STX11: variants seen among roughly 807,000 people sequenced by gnomAD.
The protein encoded by STX11 is syntaxin-11.
Under a neutral mutation model 19.9 loss-of-function variants are expected in STX11, and 21 were observed. The ratio of observed to expected loss-of-function variants is 1.06; its 90% confidence interval spans 0.75 to 1.52. The LOEUF is 1.52. Ranked by LOEUF, STX11 falls within the 40% of genes most tolerant of loss-of-function variation. The pLI, the probability that STX11 is intolerant of heterozygous loss-of-function variation, is 0.00. For synonymous variants in STX11, 193 were observed against 174.4 expected, an observed-to-expected ratio of 1.11 and a Z score of -0.84; for missense variants, 438 against 405.9, an observed-to-expected ratio of 1.08 and a Z score of -0.68.
In STX11 at chr6:144,158,175, T is replaced by C. The variant is rs1291792865; in HGVS notation, c.-6+7472T>C. ...ATGCCTTTCGTGGTGACCAACTCTA[T>C]TGAGATTTTTTCAGATTATCCAGAA... On this transcript the variant is annotated intron_variant, in intron 1 of 1. Coordinates refer to ENST00000367568, the MANE Select transcript of STX11 (RefSeq NM_003764.4). Among the ~76,000 whole-genome samples the C allele has an allele frequency of 3.9e-5, 6 of 152,290 alleles. No individual in the cohort carries two copies. In the East Asian group the frequency reaches 5.8e-4, roughly 15 times the overall value.
the STX11 span, among the ~76,000 whole-genome samples, chr6:144,140,478 A>T: frequency 6.6e-6 from 1 of 151,492 alleles, no homozygotes; most frequent in African/African-American, 2.4e-5. Flanking sequence ...TGATCTTGAA[A>T]TCCTGACCTC....
chr6:144,156,024 C>T (rs1215500475), intron 1 of STX11, among the ~76,000 whole-genome samples: 1,516 of 102,788 alleles, frequency 0.015, 153 homozygotes, highest in African/African-American at 0.081. Flanking sequence ...CTCTCTTTCT[C>T]TCCTTCCTTC....
Position 144,187,448 on chromosome 6 carries a change from C to T in STX11, c.821C>T (p.Pro274Leu). Reference sequence around the variant, plus strand: ...GCCGTGCAGTACGAGGAGAAGAACCCCTGCCGGACCCTCTGCTGCTTCTGC... The same window carrying T: ...GCCGTGCAGTACGAGGAGAAGAACCTCTGCCGGACCCTCTGCTGCTTCTGC... ...RKAVQYEEKN[P>L]CRTLCCFCCP... Residue 274 changes from proline to leucine, a missense_variant, in exon 2 of 2, where the codon CCC (proline) becomes CTC (leucine). Coordinates refer to ENST00000367568, the MANE Select transcript of STX11 (RefSeq NM_003764.4). The surrounding 1 kb of genome is among the most constrained non-coding windows in gnomAD (Gnocchi z 5.6). 1 of 1,612,444 alleles carries T rather than the reference C, an allele frequency of 6.2e-7. No homozygotes were observed.
Position 144,151,303 on chromosome 6 carries a change from T to A in STX11, c.-6+600T>A, listed in dbSNP as rs1367085734. ...CGTCCTGAGAGGGAATTCTGCCTTT[T>A]TCTAGACTCCGCTGACACCAGCTGA... On this transcript the variant is annotated intron_variant, in intron 1 of 1. Transcript: ENST00000367568. This position sits in a 1 kb window ranked among gnomAD's most constrained non-coding sequence, Gnocchi z 4.6. 2 of 985,332 alleles carry A rather than the reference T, an allele frequency of 2.0e-6. No individual in the cohort carries two copies. The highest frequency in any genetic ancestry group is 6.1e-5 in the Admixed American group (1 of 16,270). The allele number at this position is 985,332 out of a possible 1,614,324, so 61.0% of individuals were successfully genotyped here.
At position 144,187,303 on chromosome 6, in the gene STX11, G is replaced by C; in HGVS notation, c.676G>C (p.Glu226Gln). The C allele has an allele frequency of 3.7e-6, 6 of 1,612,278 alleles. No individual in the cohort carries two copies. The highest frequency in any genetic ancestry group is 5.1e-6 in the Non-Finnish European group (6 of 1,179,956). Residue 226 changes from glutamate to glutamine, a missense_variant, in exon 2 of 2, where the codon GAG (glutamate) becomes CAG (glutamine). Coordinates refer to ENST00000367568, the MANE Select transcript of STX11 (RefSeq NM_003764.4). This position sits in a 1 kb window ranked among gnomAD's most constrained non-coding sequence, Gnocchi z 5.6. ...RLESRIRDVH[E>Q]LFLQMAVLVE... is the part of the protein sequence containing the mutation. Reference sequence around the variant, plus strand: ...GGAGAGCCGCATCCGCGACGTACACGAGCTCTTCTTGCAGATGGCGGTGCT... The same window carrying C: ...GGAGAGCCGCATCCGCGACGTACACCAGCTCTTCTTGCAGATGGCGGTGCT...
chr6:144,161,993 G>A (rs1801354036), intron 1 of STX11, among the ~76,000 whole-genome samples: 3 of 152,112 alleles, frequency 2.0e-5, no homozygotes, highest in Non-Finnish European at 1.5e-5. Context: ...TGAAGGAGGA[G>A]GGTTTGAAGG....
At chr6:144,158,875 T>C (rs1038361085) in intron 1 of STX11, among the ~76,000 whole-genome samples, 2 of 152,232 alleles carry the variant, frequency 1.3e-5, no homozygotes, top group Non-Finnish European at 2.9e-5. Context: ...TCTTACACTT[T>C]CCAGGCTTCA....
chr6:144,187,479 C>T lies in STX11; in HGVS notation c.852C>T (p.Pro284=). ...GGACCCTCTGCTGCTTCTGCTGTCC[C>T]TGCCTCAAGTAGCAGGCCGGCCCGG... is the stretch of plus-strand genomic sequence containing the variant. ...PCRTLCCFCC[P]CLK The change falls in exon 2 of 2, where the codon CCC becomes CCT. Residue 284 remains proline, a synonymous_variant. Transcript: ENST00000367568. The surrounding 1 kb of genome is among the most constrained non-coding windows in gnomAD (Gnocchi z 5.6). 6.2e-7 allele frequency: 1 copy of T among 1,612,604 alleles called. No homozygotes were observed. Among genetic ancestry groups the T allele is most frequent in the Non-Finnish European group, 8.5e-7 (1 of 1,179,968 alleles).
chr6:144,175,808 AC>A lies in STX11; in HGVS notation c.-5-10812del, dbSNP rs1352391947. On this transcript the variant is annotated intron_variant, in intron 1 of 1. Coordinates refer to ENST00000367568, the MANE Select transcript of STX11 (RefSeq NM_003764.4). This position sits in a 1 kb window ranked among gnomAD's most constrained non-coding sequence, Gnocchi z 5.1. ...TGCTCCTTACCCACCTGACTTCCAC[AC>A]CCGTGGAGAAATAAGAAAGGAAAAG... Among the ~76,000 whole-genome samples the A allele has an allele frequency of 6.6e-6, 1 of 152,150 alleles. No homozygotes were observed. Among genetic ancestry groups the A allele is most frequent in the Non-Finnish European group, 1.5e-5 (1 of 68,030 alleles).
Position 144,191,311 on chromosome 6 carries a change from A to G in STX11, c.*3820A>G, listed in dbSNP as rs1007794706. Reference sequence around the variant, plus strand: ...TATGAGTTAGAATTTTAAAAATGTCAGTCATTCAAAAATATTTGAACTGTG... The same window carrying G: ...TATGAGTTAGAATTTTAAAAATGTCGGTCATTCAAAAATATTTGAACTGTG... On this transcript the variant is annotated 3_prime_UTR_variant, in exon 2 of 2. Coordinates refer to ENST00000367568, the MANE Select transcript of STX11 (RefSeq NM_003764.4). Among the ~76,000 whole-genome samples the G allele has an allele frequency of 6.7e-6, 1 of 149,248 alleles. No homozygotes were observed. The highest frequency in any genetic ancestry group is 6.7e-5 in the Admixed American group (1 of 14,856).
upstream of STX11, among the ~76,000 whole-genome samples, chr6:144,149,467 G>T (rs1264192390): frequency 1.3e-5 from 2 of 152,020 alleles, no homozygotes; most frequent in East Asian, 3.9e-4. The surrounding 1 kb of genome is among the most constrained non-coding windows in gnomAD (Gnocchi z 5.1). Context: ...TCGTTCTTTA[G>T]TTTTATTTTT....
Position 144,155,341 on chromosome 6 carries a change from G to A in STX11, c.-6+4638G>A, listed in dbSNP as rs1339382145. 2.6e-5 allele frequency among the ~76,000 whole-genome samples: 4 copies of A among 152,164 alleles called. No individual in the cohort carries two copies. Among genetic ancestry groups the A allele is most frequent in the Non-Finnish European group, 5.9e-5 (4 of 68,024 alleles). On this transcript the variant is annotated intron_variant, in intron 1 of 1. Coordinates refer to ENST00000367568, the MANE Select transcript of STX11 (RefSeq NM_003764.4). The surrounding 1 kb of genome is among the most constrained non-coding windows in gnomAD (Gnocchi z 4.5). ...AGGATTGCTTGAGCCTGGGGGCAGC[G>A]GCAGGGGCGGGGGAGAATGTTCAAA...
chr6:144,177,578 C>A lies in STX11; in HGVS notation c.-5-9045C>A, dbSNP rs566785835. Among the ~76,000 whole-genome samples, 1 of 152,176 alleles carries A rather than the reference C, an allele frequency of 6.6e-6. No individual in the cohort carries two copies. The highest frequency in any genetic ancestry group is 2.4e-5 in the African/African-American group (1 of 41,440). On this transcript the variant is annotated intron_variant, in intron 1 of 1. Transcript: ENST00000367568. The surrounding 1 kb of genome is among the most constrained non-coding windows in gnomAD (Gnocchi z 4.4). ...CCTGGCCAATATAGTGAAACCCCATCTCTACTAAAAACACACAAAAAATTA... is the reference window on the plus strand; with the variant it reads ...CCTGGCCAATATAGTGAAACCCCATATCTACTAAAAACACACAAAAAATTA...
chr6:144,145,632 G>A (rs1800859461), upstream of STX11, among the ~76,000 whole-genome samples: 1 of 152,184 alleles, frequency 6.6e-6, no homozygotes, highest in Non-Finnish European at 1.5e-5. Flanking sequence ...ATTATGTTAA[G>A]TGAAATAAGC....
In STX11 at chr6:144,186,887, A is replaced by T. The variant is rs771634798; in HGVS notation, c.260A>T (p.Asn87Ile). ...CTCAGCAGCATCAAGCGCGACACCA[A>T]CTCCATCGCCAAGGCCATCAAGGCC... ...RRLSSIKRDTNSIAKAIKARG... is the reference protein window; with the variant it reads ...RRLSSIKRDTISIAKAIKARG... Residue 87 changes from asparagine to isoleucine, a missense_variant, in exon 2 of 2, where the codon AAC becomes ATC. By Grantham distance (149) the Asn-to-Ile change is moderately radical (BLOSUM62 -3). Coordinates refer to ENST00000367568, the MANE Select transcript of STX11 (RefSeq NM_003764.4). 1.9e-6 allele frequency: 3 copies of T among 1,612,062 alleles called. No individual in the cohort carries two copies. Among genetic ancestry groups the T allele is most frequent in the South Asian group, 2.2e-5 (2 of 91,078 alleles).
At position 144,167,949 on chromosome 6, in the gene STX11, A is replaced by G. The variant is rs1370339847; in HGVS notation, c.-6+17246A>G. 1.3e-5 allele frequency among the ~76,000 whole-genome samples: 2 copies of G among 152,342 alleles called. No individual in the cohort carries two copies. The highest frequency in any genetic ancestry group is 3.9e-4 in the East Asian group (2 of 5,188). On this transcript the variant is annotated intron_variant, in intron 1 of 1. Coordinates refer to ENST00000367568, the MANE Select transcript of STX11 (RefSeq NM_003764.4). This position sits in a 1 kb window ranked among gnomAD's most constrained non-coding sequence, Gnocchi z 5.0. ...GTCATGTTCTTAGACTTATTCACAC[A>G]TAAGTACTTATGGTAAAAAAAATAA...
intron 1 of STX11, among the ~76,000 whole-genome samples, chr6:144,164,260 A>G (rs1385344446): frequency 6.6e-6 from 1 of 152,190 alleles, no homozygotes; most frequent in African/African-American, 2.4e-5. Flanking sequence ...AAATAAAATA[A>G]AGCTAATGGA....
Position 144,165,415 on chromosome 6 carries a change from A to G in STX11, c.-6+14712A>G, listed in dbSNP as rs535499098. ...GGTTGCGGTGAGCAGAGATCGCGCC[A>G]TTGCACTCCAGCCTGGGCAACAAGA... On this transcript the variant is annotated intron_variant, in intron 1 of 1. Transcript: ENST00000367568. The surrounding 1 kb of genome is among the most constrained non-coding windows in gnomAD (Gnocchi z 5.8). Among the ~76,000 whole-genome samples, 1 of 151,986 alleles carries G rather than the reference A, an allele frequency of 6.6e-6. No homozygotes were observed. The highest frequency in any genetic ancestry group is 1.5e-5 in the Non-Finnish European group (1 of 68,014).
In STX11 at chr6:144,165,073, G is replaced by T. The variant is rs111631372; in HGVS notation, c.-6+14370G>T. On this transcript the variant is annotated intron_variant, in intron 1 of 1. Transcript: ENST00000367568. The surrounding 1 kb of genome is among the most constrained non-coding windows in gnomAD (Gnocchi z 5.8). ...TAAATGTGTAAGAAATTTGATCTAC[G>T]ACTACTTTTTAGTTGGTTTTGTTTT... 1.3e-5 allele frequency among the ~76,000 whole-genome samples: 2 copies of T among 152,170 alleles called. No individual in the cohort carries two copies. The highest frequency in any genetic ancestry group is 4.8e-5 in the African/African-American group (2 of 41,518).
Sources: gnomAD v4.1 joint callset for allele counts (sites outside exome capture counted in the v4.1 genomes callset) on GRCh38, gnomAD v4.1.1 for gene constraint, Gnocchi (gnomAD v3.1) non-coding constraint, MANE v1.5 for transcripts, NCBI Gene and HGNC (gene_info 2026-07-23, HGNC 2026-07-21) for gene names.